The following LHFPL3 variants were observed in gnomAD, a reference collection of about 807,000 sequenced individuals.
LHFPL3 encodes LHFPL tetraspan subfamily member 3, also known as LHFPL tetraspan subfamily member 3 protein.
LHFPL3 carries 5 observed loss-of-function variants against 19.3 expected under a neutral mutation model. The ratio of observed to expected loss-of-function variants is 0.26; its 90% CI spans 0.14 to 0.54. The LOEUF (loss-of-function observed/expected upper bound fraction) is 0.54. Among genes scored for constraint, LHFPL3 ranks in the 20% least tolerant of loss-of-function variants. The probability of loss-of-function intolerance (pLI) is 0.94; values close to 1 mark genes in which losing one functional copy is unlikely to be tolerated. For missense variants in LHFPL3, 249 were observed against 307.4 expected, an observed-to-expected ratio of 0.81 and a Z score of 1.42; for synonymous variants, 133 against 126.2, an observed-to-expected ratio of 1.05 and a Z score of -0.36.
chr7:104,861,421 G>C (rs559152823), intron 2 of LHFPL3, among the ~76,000 whole-genome samples: 1 of 152,202 alleles, frequency 6.6e-6, no homozygotes, highest in Non-Finnish European at 1.5e-5. Context: ...GATACCAGCA[G>C]GAGACAGATG....
At chr7:104,566,756 A>G (rs1790132772) in intron 1 of LHFPL3, among the ~76,000 whole-genome samples, 1 of 152,242 alleles carries the variant, frequency 6.6e-6, no homozygotes, top group Non-Finnish European at 1.5e-5. Flanking sequence ...CTAAGGAAAT[A>G]CTACACAAGA....
chr7:104,488,433 G>T (rs1584354293), intron 1 of LHFPL3, among the ~76,000 whole-genome samples: 1 of 149,714 alleles, frequency 6.7e-6, no homozygotes, highest in African/African-American at 2.4e-5. Flanking sequence ...GAGATAAAAG[G>T]GCCAAGAAGG....
intron 1 of LHFPL3, among the ~76,000 whole-genome samples, chr7:104,481,106 C>G (rs1793128001): frequency 6.6e-6 from 1 of 152,156 alleles, no homozygotes; most frequent in Non-Finnish European, 1.5e-5. Flanking sequence ...CATTTCTACA[C>G]TTGTGCAAAG....
intron 2 of LHFPL3, among the ~76,000 whole-genome samples, chr7:104,809,989 A>G (rs1790435155): frequency 6.6e-6 from 1 of 152,246 alleles, no homozygotes; most frequent in African/African-American, 2.4e-5. Flanking sequence ...CCAGGCAGGA[A>G]CACTGAATTT....
At chr7:104,620,585 C>T (rs78078975) in intron 1 of LHFPL3, among the ~76,000 whole-genome samples, 77 of 152,314 alleles carry the variant, frequency 5.1e-4, no homozygotes, top group African/African-American at 1.8e-3. Context: ...GTTGCCTTAT[C>T]TAGCCTCCAG....
At chr7:104,353,825 T>G (rs1298737001) in intron 1 of LHFPL3, among the ~76,000 whole-genome samples, 1 of 152,214 alleles carries the variant, frequency 6.6e-6, no homozygotes, top group Non-Finnish European at 1.5e-5. Flanking sequence ...GATTTTGTTA[T>G]TTGCTGATGA....
chr7:104,628,177 T>A (rs950375800), intron 1 of LHFPL3, among the ~76,000 whole-genome samples: 2 of 152,124 alleles, frequency 1.3e-5, no homozygotes, highest in African/African-American at 4.8e-5. Flanking sequence ...CAGATACACA[T>A]GGCCCATTCC....
chr7:104,848,770 C>T (rs1791360695), intron 2 of LHFPL3, among the ~76,000 whole-genome samples: 1 of 152,148 alleles, frequency 6.6e-6, no homozygotes, highest in African/African-American at 2.4e-5. Context: ...GAAGAAGGGG[C>T]ACATCTATGG....
intron 1 of LHFPL3, among the ~76,000 whole-genome samples, chr7:104,688,052 G>C (rs1030015141): frequency 6.6e-6 from 1 of 152,206 alleles, no homozygotes; most frequent in Admixed American, 6.5e-5. Context: ...GGTGTGAACT[G>C]TTCAGAGATT....
chr7:104,862,135 A>G (rs1289750032), intron 2 of LHFPL3, among the ~76,000 whole-genome samples: 1 of 152,178 alleles, frequency 6.6e-6, no homozygotes, highest in Non-Finnish European at 1.5e-5. Flanking sequence ...TTAAAAAAAA[A>G]TACCCTCCAA....
At chr7:104,352,613 G>T (rs1018804353) in intron 1 of LHFPL3, among the ~76,000 whole-genome samples, 2 of 152,222 alleles carry the variant, frequency 1.3e-5, no homozygotes, top group African/African-American at 4.8e-5. Flanking sequence ...CCTGCAAATT[G>T]GAATTCCTGA....
In LHFPL3 at chr7:104,510,908, G is replaced by A. The variant is rs144967790; in HGVS notation, c.445+181684G>A. ...ACACCGGGGCCTATCAGAGAGTGGAGGGTGGGAGGAGGAAGAGGATCAGGA... is the reference window on the plus strand; with the variant it reads ...ACACCGGGGCCTATCAGAGAGTGGAAGGTGGGAGGAGGAAGAGGATCAGGA... On this transcript the variant is annotated intron_variant, in intron 1 of 2. Coordinates refer to ENST00000424859, the MANE Select transcript of LHFPL3 (RefSeq NM_199000.3). Among the ~76,000 whole-genome samples, 16 of 152,266 alleles carry A rather than the reference G, an allele frequency of 1.1e-4. No individual in the cohort carries two copies. The East Asian group carries it at 2.7e-3, about 26-fold the overall frequency.
In LHFPL3 at chr7:104,500,939, G is replaced by T. The variant is rs559850334; in HGVS notation, c.445+171715G>T. Among the ~76,000 whole-genome samples, 5 of 152,094 alleles carry T rather than the reference G, an allele frequency of 3.3e-5. 1 individual carries two copies. Among genetic ancestry groups the T allele is most frequent in the Admixed American group, 6.6e-5 (1 of 15,252 alleles). ...CCTGAGATGCCCTCTCAAACCTGCC[G>T]CATCTCTCCTATAATCCCAGGCAGC... On this transcript the variant is annotated intron_variant, in intron 1 of 2. Coordinates refer to ENST00000424859, the MANE Select transcript of LHFPL3 (RefSeq NM_199000.3).
chr7:104,737,635 T>G (rs1288153316), intron 2 of LHFPL3, among the ~76,000 whole-genome samples: 1 of 152,248 alleles, frequency 6.6e-6, no homozygotes, highest in East Asian at 1.9e-4. Context: ...CTTTTAATTT[T>G]CTTTTCAGAT....
intron 1 of LHFPL3, among the ~76,000 whole-genome samples, chr7:104,623,346 A>G (rs560456383): frequency 3.3e-4 from 51 of 152,256 alleles, no homozygotes; most frequent in African/African-American, 1.2e-3. Flanking sequence ...GAGATCTTCA[A>G]AGGCTGGGTG....
intron 2 of LHFPL3, among the ~76,000 whole-genome samples, chr7:104,737,582 T>A (rs192188458): frequency 3.9e-5 from 6 of 152,330 alleles, no homozygotes; most frequent in Admixed American, 3.9e-4. Context: ...AAATATATCA[T>A]AGTGGGCAAA....
chr7:104,432,817 G>T (rs938858094), intron 1 of LHFPL3, among the ~76,000 whole-genome samples: 2 of 151,850 alleles, frequency 1.3e-5, no homozygotes, highest in Admixed American at 1.3e-4. Context: ...TGTTGATTCT[G>T]CCTCCTCAGC....
intron 2 of LHFPL3, among the ~76,000 whole-genome samples, chr7:104,806,519 C>T (rs1173279548): frequency 6.6e-6 from 1 of 152,102 alleles, no homozygotes; most frequent in African/African-American, 2.4e-5. Flanking sequence ...ATGACACATG[C>T]TGTCTTTGTG....
intron 1 of LHFPL3, among the ~76,000 whole-genome samples, chr7:104,365,654 G>A (rs62486510): frequency 0.074 from 11,062 of 148,724 alleles, 513 homozygotes; most frequent in East Asian, 0.13. Flanking sequence ...GGTGGCGGGC[G>A]CCTGTAGTCC....
Sources: gnomAD v4.1 joint callset for allele counts (sites outside exome capture counted in the v4.1 genomes callset) on GRCh38, gnomAD v4.1.1 for gene constraint, MANE v1.5 for transcripts, NCBI Gene and HGNC (gene_info 2026-07-23, HGNC 2026-07-21) for gene names.